VPS39: variants seen among roughly 807,000 people sequenced by gnomAD.
The protein encoded by VPS39 is vam6/Vps39-like protein.
VPS39 carries 70 observed loss-of-function variants against 121.0 expected under a neutral mutation model. The ratio of observed to expected loss-of-function variants is 0.58; its 90% confidence interval spans 0.48 to 0.71. The LOEUF (loss-of-function observed/expected upper bound fraction) is 0.71. VPS39 is among the 30% of genes least tolerant of loss of function. VPS39 has a pLI of 0.00. For synonymous variants in VPS39, 378 were observed against 398.1 expected (o/e 0.95, Z 0.60); for missense variants, 818 against 1,051.5 (o/e 0.78, Z 3.07).
At chr15:42,166,746 C>T (rs1180377645) in intron 14 of VPS39, 26 bp downstream of exon 14, 1 of 1,613,434 alleles carries the variant, frequency 6.2e-7, no homozygotes, top group East Asian at 2.2e-5. Context: ...AGAGCCCCTC[C>T]CAGATCCAAG....
intron 23 of VPS39, 87 bp downstream of exon 23, chr15:42,161,945 T>C: frequency 6.2e-6 from 10 of 1,600,242 alleles, no homozygotes; most frequent in South Asian, 5.7e-5. Flanking sequence ...CTGTACAGGC[T>C]CTGCCTTGGT....
chr15:42,191,115 C>T lies in VPS39; in HGVS notation c.247+10G>A. On this transcript the variant is annotated intron_variant, in intron 4 of 24. Coordinates refer to ENST00000318006, the MANE Select transcript of VPS39 (RefSeq NM_015289.5). ...TAGACACAGGATACAAATGCAACTCCTTTTCTTACCTAACAAGCTGACCAG... is the reference window on the plus strand; with the variant it reads ...TAGACACAGGATACAAATGCAACTCTTTTTCTTACCTAACAAGCTGACCAG... The T allele has an allele frequency of 2.5e-6, 4 of 1,613,956 alleles. No individual in the cohort carries two copies. Among genetic ancestry groups the T allele is most frequent in the Non-Finnish European group, 3.4e-6 (4 of 1,179,864 alleles).
chr15:42,193,728 ACACT>A (rs1347928176), intron 2 of VPS39, among the ~76,000 whole-genome samples: 4 of 152,156 alleles, frequency 2.6e-5, no homozygotes, highest in African/African-American at 9.7e-5. Context: ...AGAAGCTGTC[ACACT>A]CAGGGGAGTG....
At chr15:42,167,689 G>A (rs776051196) in intron 12 of VPS39, 152 bp from the exon 13 acceptor site, 3 of 941,158 alleles carry the variant, frequency 3.2e-6, no homozygotes, top group Non-Finnish European at 4.7e-6. Context: ...AATTGCCACA[G>A]AGACAACAAC....
rs1228088442 is a variant in VPS39 at position 42,173,840 on chromosome 15, C to A, written c.973G>T (p.Asp325Tyr). ...TGTTGCTGCTTTTCACTGTCAGAAT[C>A]ATCTTTCATTTCCTAATAACGGAGC... ...LALQLAEMKD[D>Y]SDSEKQQQIH... Residue 325 changes from aspartate (D) to tyrosine (Y), a missense_variant, in exon 11 of 25, where the codon GAT (aspartate) becomes TAT (tyrosine). Transcript: ENST00000318006. 3 of 1,614,038 alleles carry A rather than the reference C, an allele frequency of 1.9e-6. No homozygotes were observed. Among genetic ancestry groups the A allele is most frequent in the African/African-American group, 2.7e-5 (2 of 74,932 alleles).
At chr15:42,201,596 A>G (rs2050070709) in intron 1 of VPS39, among the ~76,000 whole-genome samples, 2 of 151,784 alleles carry the variant, frequency 1.3e-5, no homozygotes, top group African/African-American at 4.8e-5. Flanking sequence ...CTGATTTAGT[A>G]GGTTTAAAAG....
At chr15:42,200,289 T>C (rs537377649) in intron 1 of VPS39, among the ~76,000 whole-genome samples, 1 of 152,144 alleles carries the variant, frequency 6.6e-6, no homozygotes, top group South Asian at 2.1e-4. Flanking sequence ...ATTAAATTAT[T>C]ATGATTTTTA....
chr15:42,160,664 G>A lies in VPS39; in HGVS notation c.*90C>T. 8.7e-7 allele frequency: 1 copy of A among 1,147,108 alleles called. No homozygotes were observed. The highest frequency in any genetic ancestry group is 1.3e-6 in the Non-Finnish European group (1 of 756,052). 71.1% of individuals were successfully genotyped at this position (1,147,108 alleles called of 1,614,324 possible). A position where few individuals can be genotyped will look rare whatever the true frequency, so the allele number is the denominator to read the frequency against. Reference sequence around the variant, plus strand: ...ATGTCCAAATGGGGAGCCTTGTGGTGGTGGCAGCCAGGATTCCTAAGGCCA... The same window carrying A: ...ATGTCCAAATGGGGAGCCTTGTGGTAGTGGCAGCCAGGATTCCTAAGGCCA... On this transcript the variant is annotated 3_prime_UTR_variant, in exon 25 of 25. Coordinates refer to ENST00000318006, the MANE Select transcript of VPS39 (RefSeq NM_015289.5).
intron 18 of VPS39, 99 bp from the exon 19 acceptor site, chr15:42,164,585 C>G: frequency 6.6e-7 from 1 of 1,511,622 alleles, no homozygotes; most frequent in Non-Finnish European, 8.8e-7. Context: ...GATGTCACCA[C>G]ATGACCAGAA....
chr15:42,169,719 C>T lies in VPS39; in HGVS notation c.1233+5G>A, dbSNP rs761310671. On this transcript the variant is annotated splice_donor_5th_base_variant and intron_variant, in intron 12 of 24. Transcript: ENST00000318006. ...ACTCTTTCACGCACTCTGTACTATA[C>T]CTACCTGTGTCAGGTAGTCAATCAG... 12 of 1,613,652 alleles carry T rather than the reference C, an allele frequency of 7.4e-6. No homozygotes were observed. The Admixed American group carries it at 8.3e-5, about 11-fold the overall frequency.
At chr15:42,163,873 A>T in intron 19 of VPS39, 145 bp from the exon 20 acceptor site, 1 of 636,126 alleles carries the variant, frequency 1.6e-6, no homozygotes, top group Non-Finnish European at 2.7e-6. Context: ...CAAGGAGAAA[A>T]TAACTGAAGT....
Position 42,161,693 on chromosome 15 carries a change from C to T in VPS39, c.2541G>A (p.Lys847=). The change falls in exon 24 of 25, where the codon AAG becomes AAA. Residue 847 remains lysine (K), a synonymous_variant. Coordinates refer to ENST00000318006, the MANE Select transcript of VPS39 (RefSeq NM_015289.5). ...EEKVCMVCKK[K]IGNSAFARYP... is the part of the protein sequence containing the mutation. ...TGAAGGAGGCTCACCTGTTCCCAAT[C>T]TTCTTCTTACACACCATGCACACCT... 2 of 1,614,214 alleles carry T rather than the reference C, an allele frequency of 1.2e-6. No homozygotes were observed. The highest frequency in any genetic ancestry group is 1.7e-6 in the Non-Finnish European group (2 of 1,180,024).
At chr15:42,195,609 T>C (rs2049920907) in intron 2 of VPS39, among the ~76,000 whole-genome samples, 1 of 152,132 alleles carries the variant, frequency 6.6e-6, no homozygotes, top group South Asian at 2.1e-4. Context: ...GAATCCAACT[T>C]ACAAGGGATG....
In VPS39 at chr15:42,169,802, C is replaced by T; in HGVS notation, c.1155G>A (p.Gln385=). The T allele has an allele frequency of 1.2e-6, 2 of 1,614,144 alleles. No homozygotes were observed. The highest frequency in any genetic ancestry group is 1.7e-6 in the Non-Finnish European group (2 of 1,180,036). Residue 385 remains glutamine, a synonymous_variant, in exon 12 of 25, where the codon CAG becomes CAA. Transcript: ENST00000318006. ...AGAGCACAGGCAATGGGTTGGGATACTGCAACTGCTTTCTGTAGTCTGTGG... is the reference window on the plus strand; with the variant it reads ...AGAGCACAGGCAATGGGTTGGGATATTGCAACTGCTTTCTGTAGTCTGTGG... ...LLPTDYRKQL[Q]YPNPLPVLSG...
intron 5 of VPS39, 73 bp downstream of exon 5, chr15:42,189,041 A>C (rs2049765248): frequency 1.3e-5 from 14 of 1,045,020 alleles, no homozygotes; most frequent in Non-Finnish European, 1.8e-5. Flanking sequence ...CTTCCCATCT[A>C]ATGGTAGGAA....
rs34792839 is a variant in VPS39 at position 42,185,178 on chromosome 15, C to CTT, written c.535-480_535-479dup. Among the ~76,000 whole-genome samples, 418 of 136,212 alleles carry CTT rather than the reference C, an allele frequency of 3.1e-3. 8 individuals are homozygous for CTT. The highest frequency in any genetic ancestry group is 0.023 in the Admixed American group (312 of 13,360). 89.4% of individuals were successfully genotyped at this position (136,212 alleles called of 152,430 possible). ...CAAAATTGCTAAAAATTGAAAACAA[C>CTT]TTTTTTTTTTTTTTTTTTTGGAGAC... On this transcript the variant is annotated intron_variant, in intron 7 of 24. Coordinates refer to ENST00000318006, the MANE Select transcript of VPS39 (RefSeq NM_015289.5).
rs1293950564 is a variant in VPS39 at position 42,161,714 on chromosome 15, C to A, written c.2520G>T (p.Val840=). 2 of 1,614,256 alleles carry A rather than the reference C, an allele frequency of 1.2e-6. No homozygotes were observed. Among genetic ancestry groups the A allele is most frequent in the East Asian group, 4.5e-5 (2 of 44,892 alleles). The change falls in exon 24 of 25, where the codon GTG becomes GTT. Residue 840 remains valine, a synonymous_variant. Transcript: ENST00000318006. ...CAATCTTCTTCTTACACACCATGCA[C>A]ACCTTCTCCTCTGTGATGATGCACT... is the stretch of plus-strand genomic sequence containing the variant. ...QVKCIITEEK[V]CMVCKKKIGN... is the part of the protein sequence containing the mutation.
At chr15:42,162,246 T>C in intron 22 of VPS39, 80 bp from the exon 23 acceptor site, 5 of 1,605,486 alleles carry the variant, frequency 3.1e-6, no homozygotes, top group Non-Finnish European at 3.4e-6. Context: ...CGTGGAGCTC[T>C]TGGACCCTAG....
At chr15:42,173,555 A>G in intron 11 of VPS39, 168 bp downstream of exon 11, 1 of 762,820 alleles carries the variant, frequency 1.3e-6, no homozygotes, top group Non-Finnish European at 2.0e-6. Context: ...TTAGGAGTAT[A>G]GATATGTAAC....
Sources: gnomAD v4.1 joint callset for allele counts (sites outside exome capture counted in the v4.1 genomes callset) on GRCh38, gnomAD v4.1.1 for gene constraint, MANE v1.5 for transcripts, NCBI Gene and HGNC (gene_info 2026-07-23, HGNC 2026-07-21) for gene names.